CSMD2: variants seen among roughly 807,000 people sequenced by gnomAD.
CSMD2 encodes CUB and sushi domain-containing protein 2.
Under a neutral mutation model 398.5 loss-of-function variants are expected in CSMD2, and 130 were observed. The ratio of observed to expected loss-of-function variants is 0.33; its 90% CI spans 0.28 to 0.38. CSMD2 has a LOEUF of 0.38. Ranked by LOEUF, CSMD2 falls within the 10% of genes least tolerant of loss-of-function variation. The probability of loss-of-function intolerance (pLI) is 1.00; values close to 1 mark genes in which losing one functional copy is unlikely to be tolerated. For synonymous variants in CSMD2, 1,828 were observed against 1,908.5 expected (o/e 0.96, Z 1.10); for missense variants, 3,829 against 4,764.9 (o/e 0.80, Z 5.78).
rs201448919 is a variant in CSMD2 at position 33,586,495 on chromosome 1, T to C, written c.7051+9A>G. The C allele has an allele frequency of 3.8e-6, 6 of 1,588,196 alleles. No individual in the cohort carries two copies. Among genetic ancestry groups the C allele is most frequent in the South Asian group, 2.2e-5 (2 of 90,514 alleles). On this transcript the variant is annotated intron_variant, in intron 46 of 70. Coordinates refer to ENST00000373381, the MANE Select transcript of CSMD2 (RefSeq NM_001281956.2). ...TAGGCCCCATACAGATGCGGCTCCATGCAATTACCTTCACATATCGGGGGT... is the reference window on the plus strand; with the variant it reads ...TAGGCCCCATACAGATGCGGCTCCACGCAATTACCTTCACATATCGGGGGT...
chr1:33,843,596 T>C (rs939415533), intron 6 of CSMD2, among the ~76,000 whole-genome samples: 1 of 152,214 alleles, frequency 6.6e-6, no homozygotes, highest in South Asian at 2.1e-4. Context: ...TGCCCTGTTC[T>C]GTGCCCCAAG....
chr1:34,060,106 G>T (rs1654300930), intron 2 of CSMD2, among the ~76,000 whole-genome samples: 1 of 152,182 alleles, frequency 6.6e-6, no homozygotes, highest in African/African-American at 2.4e-5. Flanking sequence ...TGAGGGCCAG[G>T]AATGGGAAAG....
At chr1:34,085,060 A>G (rs1168660293) in intron 2 of CSMD2, among the ~76,000 whole-genome samples, 1 of 152,226 alleles carries the variant, frequency 6.6e-6, no homozygotes, top group African/African-American at 2.4e-5. Flanking sequence ...ATAAAAAATG[A>G]TGAGTTCATG....
chr1:33,694,918 A>G (rs1645367247), intron 24 of CSMD2, among the ~76,000 whole-genome samples: 1 of 152,182 alleles, frequency 6.6e-6, no homozygotes, highest in Non-Finnish European at 1.5e-5. Flanking sequence ...GATCAACAGG[A>G]TACTGCCCTC....
intron 64 of CSMD2, among the ~76,000 whole-genome samples, chr1:33,531,909 A>C (rs1194518972): frequency 1.3e-5 from 2 of 152,242 alleles, no homozygotes; most frequent in Non-Finnish European, 2.9e-5. Context: ...TGGCTGTGCA[A>C]TATCATAAAC....
At chr1:34,103,851 G>A (rs1218546644) in intron 1 of CSMD2, among the ~76,000 whole-genome samples, 1 of 152,038 alleles carries the variant, frequency 6.6e-6, no homozygotes, top group African/African-American at 2.4e-5. Flanking sequence ...GGTTTATTTT[G>A]GAAGTGGCTT....
intron 1 of CSMD2, among the ~76,000 whole-genome samples, chr1:34,096,392 C>T (rs993794884): frequency 7.2e-5 from 11 of 151,734 alleles, no homozygotes; most frequent in Non-Finnish European, 1.2e-4. Flanking sequence ...TTCAACATAG[C>T]GTTGGAAGCT....
At position 33,533,418 on chromosome 1, in the gene CSMD2, A is replaced by C. The variant is rs1655445441; in HGVS notation, c.9992-189T>G. On this transcript the variant is annotated intron_variant, in intron 63 of 70. Transcript: ENST00000373381. The surrounding 1 kb of genome is among the most constrained non-coding windows in gnomAD (Gnocchi z 4.2). The stretch of plus-strand genomic sequence containing the variant: ...GTGTCTAGAGGAATGGCCAAGATGG[A>C]GATCATGTGGATATCGGCTTGGTTG... Among the ~76,000 whole-genome samples the C allele has an allele frequency of 6.6e-6, 1 of 152,146 alleles. No individual in the cohort carries two copies. The highest frequency in any genetic ancestry group is 2.4e-5 in the African/African-American group (1 of 41,432).
rs546360548 is a variant in CSMD2 at position 34,003,172 on chromosome 1, T to C, written c.517+29422A>G. Among the ~76,000 whole-genome samples, 23 of 143,596 alleles carry C rather than the reference T, an allele frequency of 1.6e-4. 1 individual carries two copies. Among genetic ancestry groups the C allele is most frequent in the African/African-American group, 5.5e-4 (22 of 40,208 alleles). 94.2% of individuals were successfully genotyped at this position (143,596 alleles called of 152,430 possible). A position where few individuals can be genotyped will look rare whatever the true frequency, so the allele number is the denominator to read the frequency against. On this transcript the variant is annotated intron_variant, in intron 3 of 70. Transcript: ENST00000373381. ...CATTCCCCTCCCTCCCTCCCATCCA[T>C]GCCCAAGTCCCAGGTACTTAGGAGC...
intron 3 of CSMD2, among the ~76,000 whole-genome samples, chr1:33,948,110 T>C (rs1007945788): frequency 6.6e-6 from 1 of 152,214 alleles, no homozygotes; most frequent in African/African-American, 2.4e-5. Context: ...GGGCCAAAGA[T>C]GGTACTTGGT....
At chr1:33,866,996 C>T (rs1296633595) in intron 5 of CSMD2, among the ~76,000 whole-genome samples, 1 of 152,226 alleles carries the variant, frequency 6.6e-6, no homozygotes, top group East Asian at 1.9e-4. Context: ...GTTCCATAAT[C>T]CTTTCCTCCT....
chr1:33,562,354 C>T (rs1307590942), intron 53 of CSMD2, among the ~76,000 whole-genome samples: 3 of 152,184 alleles, frequency 2.0e-5, no homozygotes, highest in Non-Finnish European at 4.4e-5. Flanking sequence ...TCTTTAGGTC[C>T]CAGGCTTTCT....
chr1:33,605,675 A>G (rs1418013218), intron 41 of CSMD2, among the ~76,000 whole-genome samples: 1 of 152,232 alleles, frequency 6.6e-6, no homozygotes, highest in Admixed American at 6.5e-5. Flanking sequence ...TAAGTAGGAT[A>G]ACACATACAT....
chr1:33,635,136 G>A lies in CSMD2; in HGVS notation c.5086+78C>T. ...CAATGGGGCTGTATATAATTGGGAG[G>A]CGTCTGAGGAATTGCTCATTTTGGA... On this transcript the variant is annotated intron_variant, in intron 31 of 70. Coordinates refer to ENST00000373381, the MANE Select transcript of CSMD2 (RefSeq NM_001281956.2). The surrounding 1 kb of genome is among the most constrained non-coding windows in gnomAD (Gnocchi z 5.0). 1 of 846,042 alleles carries A rather than the reference G, an allele frequency of 1.2e-6. No individual in the cohort carries two copies. Among genetic ancestry groups the A allele is most frequent in the Non-Finnish European group, 2.0e-6 (1 of 506,632 alleles). The allele number at this position is 846,042 out of a possible 1,614,324, so 52.4% of individuals were successfully genotyped here.
chr1:34,092,037 T>C (rs776918907), intron 1 of CSMD2, among the ~76,000 whole-genome samples: 1 of 152,054 alleles, frequency 6.6e-6, no homozygotes, highest in Non-Finnish European at 1.5e-5. Context: ...ACTAGCCAAA[T>C]GCAAAATAAT....
At chr1:33,577,770 A>G (rs1638393018) in intron 48 of CSMD2, among the ~76,000 whole-genome samples, 1 of 152,134 alleles carries the variant, frequency 6.6e-6, no homozygotes, top group Non-Finnish European at 1.5e-5. Context: ...GTGTATGGCT[A>G]AGTTCAGGCT....
chr1:33,897,139 C>T (rs1055868263), intron 5 of CSMD2, among the ~76,000 whole-genome samples: 2 of 152,128 alleles, frequency 1.3e-5, no homozygotes, highest in African/African-American at 4.8e-5. Context: ...CACTGAGGCA[C>T]AAGCAATGAG....
chr1:33,711,633 C>T (rs185841704), intron 21 of CSMD2, among the ~76,000 whole-genome samples: 4 of 152,282 alleles, frequency 2.6e-5, no homozygotes, highest in East Asian at 1.9e-4. Context: ...ATTAGCTGCC[C>T]GAGGCTCACA....
At chr1:33,605,731 T>C (rs1570915472) in intron 41 of CSMD2, 2 of 799,424 alleles carry the variant, frequency 2.5e-6, no homozygotes, top group East Asian at 5.3e-5. Flanking sequence ...CAGTAAATAG[T>C]ATCTATTATT....
Sources: gnomAD v4.1 joint callset for allele counts (sites outside exome capture counted in the v4.1 genomes callset) on GRCh38, gnomAD v4.1.1 for gene constraint, Gnocchi (gnomAD v3.1) non-coding constraint, MANE v1.5 for transcripts, NCBI Gene and HGNC (gene_info 2026-07-23, HGNC 2026-07-21) for gene names.